Variants in SH3RF2 observed in about 807,000 individuals in gnomAD.
The protein encoded by SH3RF2 is SH3 domain containing ring finger 2.
In SH3RF2, 43 loss-of-function variants were observed where a neutral mutation model predicts 59.0. The ratio of observed to expected loss-of-function variants is 0.73; its 90% CI spans 0.57 to 0.94. SH3RF2 has a LOEUF of 0.94. Among genes scored for constraint, SH3RF2 ranks in the 40% least tolerant of loss-of-function variants. SH3RF2 has a pLI of 0.00. For missense variants in SH3RF2, 930 were observed against 940.1 expected (o/e 0.99, Z 0.14); for synonymous variants, 391 against 391.5 (o/e 1.00, Z 0.01).
chr5:145,939,538 A>T (rs1757730977), intron 2 of SH3RF2, among the ~76,000 whole-genome samples: 1 of 152,214 alleles, frequency 6.6e-6, no homozygotes, highest in Non-Finnish European at 1.5e-5. Context: ...GGGTGGGAAG[A>T]AGCAGGACAT....
intron 7 of SH3RF2, among the ~76,000 whole-genome samples, chr5:146,054,319 G>A (rs960035132): frequency 6.6e-6 from 1 of 152,110 alleles, no homozygotes; most frequent in Non-Finnish European, 1.5e-5. Flanking sequence ...GGGACTGATG[G>A]AATAAGGCTG....
chr5:146,080,716 T>TGTGTTG (rs1216200025), exon 10 of SH3RF2: 6 of 152,234 alleles, frequency 3.9e-5, no homozygotes, highest in Admixed American at 2.0e-4. Context: ...CTGTTGCATG[T>TGTGTTG]GTGTTGGTGT....
chr5:145,967,821 G>A (rs751518114), intron 2 of SH3RF2, among the ~76,000 whole-genome samples: 8 of 151,900 alleles, frequency 5.3e-5, no homozygotes, highest in East Asian at 1.9e-4. Context: ...CACCACACCC[G>A]GCGAAGTTTT....
chr5:146,017,919 A>G (rs1378154700), intron 5 of SH3RF2, among the ~76,000 whole-genome samples: 1 of 151,988 alleles, frequency 6.6e-6, no homozygotes, highest in East Asian at 1.9e-4. Context: ...TCTTCCCCAA[A>G]CCATTAATGG....
chr5:145,977,481 G>C (rs1334693413), intron 2 of SH3RF2, among the ~76,000 whole-genome samples: 2 of 152,158 alleles, frequency 1.3e-5, no homozygotes, highest in Non-Finnish European at 2.9e-5. Flanking sequence ...ATACTCTGTA[G>C]GCTGAATTCA....
intron 5 of SH3RF2, among the ~76,000 whole-genome samples, chr5:146,039,942 C>T (rs531962536): frequency 5.3e-5 from 8 of 152,138 alleles, no homozygotes; most frequent in Non-Finnish European, 7.3e-5. Context: ...CAAATATATG[C>T]GAAAACTTCC....
intron 7 of SH3RF2, among the ~76,000 whole-genome samples, chr5:146,053,187 G>T (rs1762556983): frequency 1.3e-5 from 2 of 152,184 alleles, no homozygotes; most frequent in African/African-American, 4.8e-5. Flanking sequence ...AGAGGAAAAG[G>T]CTGTTGTGCT....
chr5:146,029,399 C>T (rs528786927), intron 5 of SH3RF2, among the ~76,000 whole-genome samples: 1 of 152,294 alleles, frequency 6.6e-6, no homozygotes, highest in African/African-American at 2.4e-5. Flanking sequence ...CAACCAGACT[C>T]AGTGGGAAGG....
At chr5:146,047,716 G>A in intron 5 of SH3RF2, 56 bp from the exon 6 acceptor site, 1 of 1,539,522 alleles carries the variant, frequency 6.5e-7, no homozygotes, top group Non-Finnish European at 9.0e-7. Flanking sequence ...TGTTTGCTGT[G>A]GGCCTGGGTT....
At chr5:145,986,341 T>A (rs1045542770) in intron 2 of SH3RF2, among the ~76,000 whole-genome samples, 2 of 152,284 alleles carry the variant, frequency 1.3e-5, no homozygotes, top group African/African-American at 4.8e-5. Flanking sequence ...GTGGGAGGGT[T>A]GTTTGACTCA....
rs774904816 is a variant in SH3RF2 at position 145,937,951 on chromosome 5, A to C, written c.23A>C (p.Asp8Ala). The change falls in exon 2 of 10, where the codon GAT becomes GCT. Residue 8 changes from aspartate to alanine, a missense_variant. Physicochemically the swap from Asp to Ala is moderately radical, Grantham distance 126. Coordinates refer to ENST00000359120, the MANE Select transcript of SH3RF2 (RefSeq NM_152550.4). ...AAAATGGATGATTTGACGTTACTTG[A>C]TCTTCTGGAGTGCCCTGTGTGCTTT... MDDLTLL[D>A]LLECPVCFEK... The C allele has an allele frequency of 1.9e-6, 3 of 1,613,662 alleles. No individual in the cohort carries two copies. In the South Asian group the frequency reaches 3.3e-5, roughly 18 times the overall value.
intron 1 of SH3RF2, 34 bp from the exon 2 acceptor site, chr5:145,937,789 A>ATTTTTTTTT: frequency 1.0e-6 from 1 of 962,918 alleles, no homozygotes; most frequent in Non-Finnish European, 1.5e-6. Flanking sequence ...GAGCAGTCAC[A>ATTTTTTTTT]TTTTTTTTTC....
At chr5:145,971,648 A>G (rs938055034) in intron 2 of SH3RF2, among the ~76,000 whole-genome samples, 1 of 152,218 alleles carries the variant, frequency 6.6e-6, no homozygotes, top group Non-Finnish European at 1.5e-5. Flanking sequence ...GAATGAATGA[A>G]GTTCAGTCAT....
intron 2 of SH3RF2, chr5:145,998,131 T>C (rs1051826116): frequency 1.7e-5 from 8 of 460,860 alleles, no homozygotes; most frequent in African/African-American, 1.6e-4. Context: ...ACCAAGTTTT[T>C]CCCTTACCTC....
chr5:145,957,974 A>G (rs2149951512), intron 2 of SH3RF2, among the ~76,000 whole-genome samples: 1 of 152,222 alleles, frequency 6.6e-6, no homozygotes, highest in South Asian at 2.1e-4. Flanking sequence ...TTAGCTAGGC[A>G]TGGTGGCGCA....
chr5:146,057,349 T>G (rs1762706447), intron 8 of SH3RF2, among the ~76,000 whole-genome samples: 1 of 152,002 alleles, frequency 6.6e-6, no homozygotes, highest in African/African-American at 2.4e-5. Context: ...TGTACCTCCC[T>G]CCACCTCTCC....
chr5:145,941,207 C>T (rs1454949238), intron 2 of SH3RF2, among the ~76,000 whole-genome samples: 1 of 152,208 alleles, frequency 6.6e-6, no homozygotes, highest in African/African-American at 2.4e-5. Flanking sequence ...CTCACCTAGA[C>T]TCATCTAAAA....
At chr5:145,979,171 A>G (rs1367556488) in intron 2 of SH3RF2, among the ~76,000 whole-genome samples, 1 of 152,202 alleles carries the variant, frequency 6.6e-6, no homozygotes, top group Non-Finnish European at 1.5e-5. Flanking sequence ...TCCCCAGACC[A>G]GCAGGATTAC....
chr5:146,050,504 C>T (rs756859417), intron 7 of SH3RF2, among the ~76,000 whole-genome samples: 2 of 152,172 alleles, frequency 1.3e-5, no homozygotes, highest in African/African-American at 4.8e-5. Flanking sequence ...AAGATCATAG[C>T]TTTTCCTTTC....
Sources: allele counts gnomAD v4.1 joint callset (sites outside exome capture counted in the v4.1 genomes callset), GRCh38; gene constraint gnomAD v4.1.1; transcripts MANE v1.5; gene names NCBI Gene and HGNC (gene_info 2026-07-23, HGNC 2026-07-21).